The following PCDH15 variants were observed in gnomAD, a reference collection of about 807,000 sequenced individuals.
The protein encoded by PCDH15 is protocadherin-15.
A neutral mutation model predicts 178.5 loss-of-function variants in PCDH15; 129 were observed. The ratio of observed to expected loss-of-function variants is 0.72; its 90% CI spans 0.63 to 0.84. The LOEUF is 0.84. Ranked by LOEUF, PCDH15 falls within the 40% of genes least tolerant of loss-of-function variation. The pLI is 0.00. For missense variants in PCDH15, 2,230 were observed against 2,099.9 expected, an observed-to-expected ratio of 1.06 and a Z score of -1.21; for synonymous variants, 800 against 732.0, an observed-to-expected ratio of 1.09 and a Z score of -1.50.
intron 13 of PCDH15, among the ~76,000 whole-genome samples, chr10:54,169,774 T>G (rs1393700655): frequency 6.6e-6 from 1 of 152,034 alleles, no homozygotes; most frequent in Non-Finnish European, 1.5e-5. Flanking sequence ...TTAAAAAGAT[T>G]AAAGCCTGTT....
intron 25 of PCDH15, among the ~76,000 whole-genome samples, chr10:53,927,095 T>C (rs543454071): frequency 6.6e-6 from 1 of 152,158 alleles, no homozygotes; most frequent in Non-Finnish European, 1.5e-5. Flanking sequence ...GAAAGTGAAA[T>C]AATAACTTAA....
chr10:55,260,509 CA>C (rs1283062760), intron 1 of PCDH15, among the ~76,000 whole-genome samples: 2 of 152,054 alleles, frequency 1.3e-5, no homozygotes, highest in Non-Finnish European at 2.9e-5. Context: ...ATAAATTAGT[CA>C]AAAACACAAA....
chr10:54,555,213 C>A (rs2087048662), intron 2 of PCDH15, among the ~76,000 whole-genome samples: 1 of 152,096 alleles, frequency 6.6e-6, no homozygotes, highest in East Asian at 1.9e-4. Context: ...GCCACACATG[C>A]ATTCAGTCAC....
At chr10:55,039,003 C>T (rs1354355102) in intron 2 of PCDH15, among the ~76,000 whole-genome samples, 3 of 151,978 alleles carry the variant, frequency 2.0e-5, no homozygotes, top group East Asian at 3.9e-4. Flanking sequence ...CTTACAGGTG[C>T]GGTTCTAAAT....
chr10:55,001,392 C>G (rs891965694), intron 2 of PCDH15, among the ~76,000 whole-genome samples: 1 of 152,146 alleles, frequency 6.6e-6, no homozygotes, highest in South Asian at 2.1e-4. Flanking sequence ...ACACTTGCCA[C>G]GTTGTGGGTG....
chr10:54,439,059 T>A (rs1263629640), intron 3 of PCDH15, among the ~76,000 whole-genome samples: 1 of 151,994 alleles, frequency 6.6e-6, no homozygotes, highest in Non-Finnish European at 1.5e-5. Context: ...TAATAGGGAA[T>A]AAACAAAAAT....
intron 2 of PCDH15, among the ~76,000 whole-genome samples, chr10:55,044,279 T>C: frequency 6.6e-6 from 1 of 152,152 alleles, no homozygotes; most frequent in East Asian, 1.9e-4. Context: ...AGTTTTTAAG[T>C]TTACAAATCT....
chr10:54,643,048 G>A (rs1032878073), intron 2 of PCDH15, among the ~76,000 whole-genome samples: 1 of 152,074 alleles, frequency 6.6e-6, no homozygotes, highest in Non-Finnish European at 1.5e-5. Context: ...TCAGCCTCCC[G>A]AGTAGCTGGG....
intron 1 of PCDH15, among the ~76,000 whole-genome samples, chr10:55,186,250 A>T (rs1839796663): frequency 6.6e-6 from 1 of 151,588 alleles, no homozygotes; most frequent in African/African-American, 2.4e-5. Flanking sequence ...CTGGCTAATT[A>T]TTAATTATTC....
At chr10:54,011,854 A>C (rs765778997) in intron 20 of PCDH15, among the ~76,000 whole-genome samples, 1 of 152,222 alleles carries the variant, frequency 6.6e-6, no homozygotes, top group Non-Finnish European at 1.5e-5. Flanking sequence ...AACCAGTGCA[A>C]GAACTTTGGC....
chr10:55,464,625 AATATATATATATAT>A (rs201924826), intron 2 of PCDH15, among the ~76,000 whole-genome samples: 1,190 of 62,974 alleles, frequency 0.019, 13 homozygotes, highest in African/African-American at 0.13. Flanking sequence ...AATGGGAGTA[AATATATATATATAT>A]ATATATATAT....
chr10:53,815,314 C>T (rs1308996331), intron 35 of PCDH15, among the ~76,000 whole-genome samples: 2 of 152,136 alleles, frequency 1.3e-5, no homozygotes, highest in Non-Finnish European at 2.9e-5. Flanking sequence ...CTGTTACATT[C>T]CAGTTGTTGA....
intron 2 of PCDH15, among the ~76,000 whole-genome samples, chr10:55,025,877 A>T (rs541763480): frequency 1.9e-4 from 29 of 152,144 alleles, no homozygotes; most frequent in African/African-American, 7.0e-4. Flanking sequence ...GTGTAAGGGG[A>T]CTTTAGAGTC....
chr10:53,809,213 C>T (rs1399518887), intron 37 of PCDH15: 2 of 1,613,920 alleles, frequency 1.2e-6, no homozygotes, highest in East Asian at 2.2e-5. Flanking sequence ...AACTCAGACT[C>T]TTCTTCACTG....
At chr10:55,557,322 TTTAGA>T (rs1404790866) in intron 2 of PCDH15, among the ~76,000 whole-genome samples, 1 of 152,150 alleles carries the variant, frequency 6.6e-6, no homozygotes, top group Admixed American at 6.6e-5. Context: ...TAGAGTTTGT[TTTAGA>T]TTATTCACTA....
intron 2 of PCDH15, among the ~76,000 whole-genome samples, chr10:54,926,460 G>C (rs910201406): frequency 5.3e-5 from 8 of 151,936 alleles, no homozygotes; most frequent in African/African-American, 7.2e-5. Flanking sequence ...GATGATGTGG[G>C]CTTCATTGGA....
chr10:54,359,560 A>G (rs1420418196), intron 5 of PCDH15, among the ~76,000 whole-genome samples: 3 of 152,052 alleles, frequency 2.0e-5, no homozygotes, highest in Non-Finnish European at 2.9e-5. Flanking sequence ...ATCATTTAAT[A>G]TAAGAAAAAT....
intron 9 of PCDH15, among the ~76,000 whole-genome samples, chr10:54,227,843 C>T (rs754135504): frequency 6.6e-6 from 1 of 152,166 alleles, no homozygotes; most frequent in Non-Finnish European, 1.5e-5. Flanking sequence ...AAGGCAGGGG[C>T]AAAATGCTGC....
chr10:54,583,548 A>G (rs914899516), intron 2 of PCDH15, among the ~76,000 whole-genome samples: 2 of 152,106 alleles, frequency 1.3e-5, no homozygotes, highest in Non-Finnish European at 1.5e-5. Context: ...TTTTTGACCT[A>G]TGGATGGGAA....
Sources: gnomAD v4.1 joint callset for allele counts (sites outside exome capture counted in the v4.1 genomes callset) on GRCh38, gnomAD v4.1.1 for gene constraint, MANE v1.5 for transcripts, NCBI Gene and HGNC (gene_info 2026-07-23, HGNC 2026-07-21) for gene names.